ACACA: variants seen among roughly 807,000 people sequenced by gnomAD.
ACACA encodes the protein acetyl-CoA carboxylase 1.
In ACACA, 103 loss-of-function variants were observed where a neutral mutation model predicts 296.1. That is an observed-to-expected ratio of 0.35 (90% confidence interval 0.30 to 0.41). ACACA has a LOEUF of 0.41. Ranked by LOEUF, ACACA falls within the 10% of genes least tolerant of loss-of-function variation. The pLI, the probability that ACACA is intolerant of heterozygous loss-of-function variation, is 1.00. For synonymous variants in ACACA, 953 were observed against 1,038.6 expected (o/e 0.92, Z 1.58); for missense variants, 1,554 against 2,989.7 (o/e 0.52, Z 11.20).
intron 1 of ACACA, among the ~76,000 whole-genome samples, chr17:37,388,441 G>A (rs1413199511): frequency 1.3e-5 from 2 of 152,120 alleles, no homozygotes; most frequent in Non-Finnish European, 2.9e-5. Context: ...CAGGGAAGGT[G>A]ACTCAGTGGG....
At chr17:37,303,317 T>C (rs778828810) in intron 3 of ACACA, among the ~76,000 whole-genome samples, 6 of 152,252 alleles carry the variant, frequency 3.9e-5, no homozygotes, top group African/African-American at 4.8e-5. Context: ...CTGTAGCATA[T>C]ATCAGTACTT....
chr17:37,348,664 A>G (rs573419652), intron 1 of ACACA, among the ~76,000 whole-genome samples: 1 of 152,228 alleles, frequency 6.6e-6, no homozygotes, highest in African/African-American at 2.4e-5. Flanking sequence ...CAATTAGAAA[A>G]CATAATTCAT....
intron 25 of ACACA, among the ~76,000 whole-genome samples, chr17:37,233,050 C>T (rs764072320): frequency 2.0e-5 from 3 of 152,182 alleles, no homozygotes; most frequent in Non-Finnish European, 4.4e-5. Context: ...AAAAAAAGAA[C>T]AGCGTGGAAA....
chr17:37,387,280 T>C (rs56116846), intron 1 of ACACA: 102,963 of 150,798 alleles, frequency 0.68, 36,234 homozygotes, highest in East Asian at 0.96. Context: ...CCACCACGCC[T>C]GGCTAATTTT....
chr17:37,377,195 G>C (rs570685460), intron 1 of ACACA, among the ~76,000 whole-genome samples: 1 of 152,220 alleles, frequency 6.6e-6, no homozygotes, highest in South Asian at 2.1e-4. Flanking sequence ...CAGAATAGGA[G>C]GGAGAAGAGA....
chr17:37,174,536 C>A (rs2077035511), intron 41 of ACACA, among the ~76,000 whole-genome samples: 1 of 151,602 alleles, frequency 6.6e-6, no homozygotes. Flanking sequence ...TTTTCTTTTT[C>A]TTTTTCTTTT....
intron 2 of ACACA, among the ~76,000 whole-genome samples, chr17:37,336,881 C>T (rs185767165): frequency 6.6e-6 from 1 of 152,306 alleles, no homozygotes; most frequent in African/African-American, 2.4e-5. Flanking sequence ...GGAATCACCA[C>T]TCAACATGTG....
chr17:37,297,016 C>T (rs2083372029), intron 3 of ACACA, among the ~76,000 whole-genome samples: 1 of 151,792 alleles, frequency 6.6e-6, no homozygotes, highest in Non-Finnish European at 1.5e-5. Flanking sequence ...CGTGCCCAGC[C>T]TCAACATATA....
At chr17:37,399,789 T>C (rs561618775) in intron 1 of ACACA, among the ~76,000 whole-genome samples, 4 of 152,266 alleles carry the variant, frequency 2.6e-5, no homozygotes, top group Admixed American at 2.0e-4. Context: ...AACTCTTGAG[T>C]GTTAAATAAT....
chr17:37,211,039 C>T (rs979912529), intron 29 of ACACA, among the ~76,000 whole-genome samples: 3 of 152,100 alleles, frequency 2.0e-5, no homozygotes, highest in African/African-American at 7.2e-5. Context: ...TCTGGGTTCC[C>T]AGCTACCTGT....
At chr17:37,289,637 G>A in intron 3 of ACACA, 1 of 566,800 alleles carries the variant, frequency 1.8e-6, no homozygotes, top group Non-Finnish European at 3.3e-6. Context: ...AATACCATGT[G>A]CTCTCCGGCA....
rs1026354364 is a variant in ACACA, at chr17:37,346,056, C to T, written c.39-6206G>A. ...TGGAGCCCCTGCACTCTGGCCTGGG[C>T]GACAGAGAGGGACCCTATCTCTAGA... On this transcript the variant is annotated intron_variant, in intron 1 of 55. Transcript: ENST00000616317. Among the ~76,000 whole-genome samples, 17 of 151,952 alleles carry T rather than the reference C, an allele frequency of 1.1e-4. No individual in the cohort carries two copies. In the East Asian group the frequency reaches 2.9e-3, roughly 26 times the overall value.
chr17:37,114,776 A>C (rs1184390786), intron 50 of ACACA, among the ~76,000 whole-genome samples: 1 of 152,188 alleles, frequency 6.6e-6, no homozygotes, highest in Non-Finnish European at 1.5e-5. Context: ...ATCCTTTCTA[A>C]ATACCAAATA....
rs759788508 is a variant in ACACA at position 37,235,042 on chromosome 17, G to C, written c.3179C>G (p.Thr1060Ser). ...GTGAGAGAAGATGTAGTTCAGTACA[G>C]TGTTCATGTCACTTTTATTCTCTTC... Reference protein sequence around the residue: ...LREENKSDMNTVLNYIFSHAQ... With the variant: ...LREENKSDMNSVLNYIFSHAQ... The change falls in exon 25 of 56, where the codon ACT becomes AGT. Residue 1060 changes from threonine to serine, a missense_variant. By Grantham distance (58) the Thr-to-Ser change is moderately conservative (BLOSUM62 1). Around this residue, in one of 16 missense-constraint regions of ACACA, gnomAD observed 316 missense variants for 540.9 expected, o/e 0.58. Coordinates refer to ENST00000616317, the MANE Select transcript of ACACA (RefSeq NM_198834.3). The C allele has an allele frequency of 6.2e-7, 1 of 1,613,794 alleles. No individual in the cohort carries two copies. Among genetic ancestry groups the C allele is most frequent in the South Asian group, 1.1e-5 (1 of 91,068 alleles).
intron 55 of ACACA, among the ~76,000 whole-genome samples, chr17:37,088,376 C>G (rs2142451982): frequency 6.6e-6 from 1 of 152,218 alleles, no homozygotes; most frequent in South Asian, 2.1e-4. Context: ...CAGGCACACT[C>G]ATAAGTGATA....
intron 39 of ACACA, among the ~76,000 whole-genome samples, chr17:37,185,573 T>C (rs999239515): frequency 1.4e-5 from 2 of 147,442 alleles, no homozygotes; most frequent in African/African-American, 2.5e-5. Flanking sequence ...TAAAATGTTA[T>C]TTTTCTTTTT....
At chr17:37,366,392 C>A (rs935449881) in intron 1 of ACACA, among the ~76,000 whole-genome samples, 1 of 151,688 alleles carries the variant, frequency 6.6e-6, no homozygotes, top group Non-Finnish European at 1.5e-5. Flanking sequence ...CATTCAATTT[C>A]TTTTTATCCT....
In ACACA at chr17:37,318,647, C is replaced by T. The variant is rs530662156; in HGVS notation, c.338+11526G>A. Among the ~76,000 whole-genome samples, 12 of 152,272 alleles carry T rather than the reference C, an allele frequency of 7.9e-5. No individual in the cohort carries two copies. In the South Asian group the frequency reaches 2.5e-3, roughly 32 times the overall value. ...CAGACCTAAATTTCCAAGTTTTAAG[C>T]ACTAACATGCAAAAGACTTAAAGAG... On this transcript the variant is annotated intron_variant, in intron 3 of 55. Transcript: ENST00000616317.
chr17:37,288,828 G>T (rs1260802556), intron 3 of ACACA, among the ~76,000 whole-genome samples: 2 of 151,912 alleles, frequency 1.3e-5, no homozygotes, highest in African/African-American at 2.4e-5. Flanking sequence ...GAGCCAGGAA[G>T]ACTAGGCTGC....
Sources: gnomAD v4.1 joint callset for allele counts (sites outside exome capture counted in the v4.1 genomes callset) on GRCh38, gnomAD v4.1.1 for gene constraint, gnomAD v4.1.1 regional missense constraint, MANE v1.5 for transcripts, NCBI Gene and HGNC (gene_info 2026-07-23, HGNC 2026-07-21) for gene names.